EYS: variants seen among roughly 807,000 people sequenced by gnomAD.
EYS encodes the protein EGF-like photoreceptor maintenance factor.
In EYS, 250 loss-of-function variants were observed where a neutral mutation model predicts 282.1. That is an observed-to-expected ratio of 0.89 (90% CI 0.80 to 0.98). The LOEUF (loss-of-function observed/expected upper bound fraction) is 0.98, where lower values mean the gene tolerates loss of function less well. EYS is among the 50% of genes least tolerant of loss of function. The pLI is 0.00. For missense variants in EYS, 4,016 were observed against 3,709.0 expected (o/e 1.08, Z -2.15); for synonymous variants, 1,355 against 1,282.9 (o/e 1.06, Z -1.20).
intron 5 of EYS, among the ~76,000 whole-genome samples, chr6:65,463,813 T>C (rs1764902534): frequency 6.6e-6 from 1 of 152,140 alleles, no homozygotes; most frequent in Admixed American, 6.6e-5. Context: ...GTTCCATTAT[T>C]GGAGTGCTAA....
chr6:64,602,938 G>C (rs1481912772), intron 24 of EYS, among the ~76,000 whole-genome samples: 1 of 151,988 alleles, frequency 6.6e-6, no homozygotes, highest in Admixed American at 6.6e-5. Flanking sequence ...AGCCCTGGGT[G>C]AGTTTTTCTG....
At chr6:65,659,303 G>A (rs1247121437) in intron 1 of EYS, among the ~76,000 whole-genome samples, 1 of 151,616 alleles carries the variant, frequency 6.6e-6, no homozygotes, top group Non-Finnish European at 1.5e-5. Flanking sequence ...TATGGTGCAG[G>A]AGTACTATCT....
chr6:65,231,769 T>G (rs1367173578), intron 12 of EYS, among the ~76,000 whole-genome samples: 1 of 151,922 alleles, frequency 6.6e-6, no homozygotes, highest in African/African-American at 2.4e-5. Context: ...TTATAATTCC[T>G]TAAATCCTTA....
chr6:63,880,487 G>GTATCTATCTATC (rs56891791), intron 35 of EYS, among the ~76,000 whole-genome samples: 16,378 of 142,662 alleles, frequency 0.11, 1,036 homozygotes, highest in Non-Finnish European at 0.14. Flanking sequence ...CTGTCTGTCT[G>GTATCTATCTATC]TATCTATCTA....
chr6:65,371,370 A>G (rs1327180920), intron 8 of EYS, among the ~76,000 whole-genome samples: 2 of 151,448 alleles, frequency 1.3e-5, no homozygotes, highest in East Asian at 3.9e-4. Flanking sequence ...TAGTACCAAC[A>G]CTCCACGGAT....
chr6:64,905,032 G>A (rs992740147), intron 16 of EYS, among the ~76,000 whole-genome samples: 3 of 152,140 alleles, frequency 2.0e-5, no homozygotes, highest in Non-Finnish European at 2.9e-5. Context: ...ATACAGTCAC[G>A]TGCTGCATAA....
intron 31 of EYS, among the ~76,000 whole-genome samples, chr6:64,104,457 A>G (rs1164676330): frequency 1.3e-5 from 2 of 152,152 alleles, no homozygotes; most frequent in East Asian, 1.9e-4. Flanking sequence ...AAGTGAATAC[A>G]GAGAAGGAAA....
intron 30 of EYS, among the ~76,000 whole-genome samples, chr6:64,265,843 C>T (rs1037686542): frequency 3.9e-5 from 6 of 152,074 alleles, no homozygotes; most frequent in African/African-American, 1.4e-4. Context: ...TTATTTAGAG[C>T]ATTGCCTTGA....
intron 15 of EYS, among the ~76,000 whole-genome samples, chr6:64,917,246 C>T (rs1172729242): frequency 2.5e-5 from 2 of 79,264 alleles, no homozygotes; most frequent in South Asian, 7.5e-4. Flanking sequence ...GAGACTTAGT[C>T]TCAAAAAAAA....
chr6:64,129,201 T>C (rs1376290301), intron 31 of EYS, among the ~76,000 whole-genome samples: 3 of 152,218 alleles, frequency 2.0e-5, no homozygotes, highest in African/African-American at 7.2e-5. Flanking sequence ...TTTCACACAC[T>C]AACTTCCACA....
chr6:64,457,095 T>C (rs1298235014), intron 26 of EYS, among the ~76,000 whole-genome samples: 2 of 152,048 alleles, frequency 1.3e-5, no homozygotes, highest in Non-Finnish European at 2.9e-5. Flanking sequence ...CTTAAGAACA[T>C]TTTAAACTTC....
intron 2 of EYS, among the ~76,000 whole-genome samples, chr6:65,510,224 A>G (rs1404069126): frequency 1.6e-5 from 2 of 121,984 alleles, no homozygotes; most frequent in Non-Finnish European, 3.2e-5. Flanking sequence ...TCCTGTGTCC[A>G]TGTGTTCTCA....
intron 7 of EYS, among the ~76,000 whole-genome samples, chr6:65,388,306 T>C (rs993825879): frequency 2.6e-5 from 4 of 152,036 alleles, no homozygotes; most frequent in Non-Finnish European, 4.4e-5. Context: ...TCTGCCTTAT[T>C]ATACATTAGT....
chr6:64,933,568 A>T (rs1055939331), intron 15 of EYS, among the ~76,000 whole-genome samples: 5 of 142,526 alleles, frequency 3.5e-5, no homozygotes, highest in Non-Finnish European at 7.9e-5. Flanking sequence ...TGTGGAAGAC[A>T]GTGTGGCGAT....
intron 11 of EYS, among the ~76,000 whole-genome samples, chr6:65,324,233 T>C (rs982048011): frequency 6.6e-6 from 1 of 152,166 alleles, no homozygotes; most frequent in Non-Finnish European, 1.5e-5. Context: ...ATTTGTTTAT[T>C]TCTTCATTTG....
chr6:64,110,250 A>G (rs1773162780), intron 31 of EYS, among the ~76,000 whole-genome samples: 1 of 152,052 alleles, frequency 6.6e-6, no homozygotes, highest in Non-Finnish European at 1.5e-5. Context: ...TCACATAAAT[A>G]ATATAGACAT....
intron 29 of EYS, among the ~76,000 whole-genome samples, chr6:64,335,038 G>C (rs774915487): frequency 3.3e-5 from 5 of 152,016 alleles, no homozygotes; most frequent in Non-Finnish European, 7.4e-5. Flanking sequence ...CCGAATAATG[G>C]TTCTGCAAAA....
intron 42 of EYS, among the ~76,000 whole-genome samples, chr6:63,725,649 T>G (rs1768587293): frequency 6.6e-6 from 1 of 152,092 alleles, no homozygotes; most frequent in South Asian, 2.1e-4. Context: ...CTCTTTGAAA[T>G]TATTTTGAGG....
chr6:64,381,536 C>G (rs1772748802), intron 29 of EYS, among the ~76,000 whole-genome samples: 1 of 152,118 alleles, frequency 6.6e-6, no homozygotes, highest in South Asian at 2.1e-4. Flanking sequence ...GTGAGAATCA[C>G]TGATTTTCAC....
Sources: gnomAD v4.1 joint callset for allele counts (sites outside exome capture counted in the v4.1 genomes callset) on GRCh38, gnomAD v4.1.1 for gene constraint, MANE v1.5 for transcripts, NCBI Gene and HGNC (gene_info 2026-07-23, HGNC 2026-07-21) for gene names.